DDAH1: variants seen among roughly 807,000 people sequenced by gnomAD.
DDAH1 encodes the protein dimethylarginine dimethylaminohydrolase 1, also known as N(G),N(G)-dimethylarginine dimethylaminohydrolase 1.
DDAH1 carries 19 observed loss-of-function variants against 28.8 expected under a neutral mutation model. That is an observed-to-expected ratio of 0.66 (90% CI 0.46 to 0.97). The LOEUF (loss-of-function observed/expected upper bound fraction) is 0.97, where lower values mean the gene tolerates loss of function less well. Among genes scored for constraint, DDAH1 ranks in the 50% least tolerant of loss-of-function variants. DDAH1 has a pLI of 0.00. For synonymous variants in DDAH1, 153 were observed against 154.4 expected (o/e 0.99, Z 0.07); for missense variants, 326 against 375.9 (o/e 0.87, Z 1.10).
chr1:85,322,400 TC>T (rs1661386018), intron 5 of DDAH1, among the ~76,000 whole-genome samples: 1 of 152,242 alleles, frequency 6.6e-6, no homozygotes, highest in South Asian at 2.1e-4. Context: ...TGTCAAAACT[TC>T]AATTAACAGT....
chr1:85,525,083 A>G (rs1657817372), intron 1 of DDAH1, among the ~76,000 whole-genome samples: 3 of 150,800 alleles, frequency 2.0e-5, no homozygotes. Flanking sequence ...TATAGTAGGT[A>G]TGAAAACAAA....
intron 1 of DDAH1, among the ~76,000 whole-genome samples, chr1:85,549,755 A>C (rs12073038): frequency 0.059 from 9,027 of 152,316 alleles, 869 homozygotes; most frequent in African/African-American, 0.21. Flanking sequence ...AATATTCAGC[A>C]TTAATTTATA....
chr1:85,519,187 G>A (rs536094695), intron 1 of DDAH1, among the ~76,000 whole-genome samples: 1 of 138,702 alleles, frequency 7.2e-6, no homozygotes, highest in African/African-American at 2.8e-5. Flanking sequence ...TCCACCTCCC[G>A]GGTTCATGCC....
intron 1 of DDAH1, among the ~76,000 whole-genome samples, chr1:85,438,438 T>G (rs1004295720): frequency 6.6e-6 from 1 of 152,214 alleles, no homozygotes; most frequent in African/African-American, 2.4e-5. Flanking sequence ...TGTAGAGGTT[T>G]AAAATCTATT....
In DDAH1 at chr1:85,436,343, T is replaced by A. The variant is rs370828050; in HGVS notation, c.303+28400A>T. Among the ~76,000 whole-genome samples, 14 of 152,266 alleles carry A rather than the reference T, an allele frequency of 9.2e-5. No homozygotes were observed. The East Asian group carries it at 2.1e-3, about 23-fold the overall frequency. Reference sequence around the variant, plus strand: ...TTTTGTATTGATCATTGATTAATATTTATCATATTTTAAAGCTACATGTGA... The same window carrying A: ...TTTTGTATTGATCATTGATTAATATATATCATATTTTAAAGCTACATGTGA... On this transcript the variant is annotated intron_variant, in intron 1 of 5. Transcript: ENST00000284031.
In DDAH1 at chr1:85,321,227, T is replaced by C; in HGVS notation, c.*225A>G. 8.0e-6 allele frequency: 4 copies of C among 502,722 alleles called. No homozygotes were observed. Among genetic ancestry groups the C allele is most frequent in the Non-Finnish European group, 1.1e-5 (3 of 278,726 alleles). 31.1% of individuals were successfully genotyped at this position (502,722 alleles called of 1,614,324 possible). On this transcript the variant is annotated 3_prime_UTR_variant, in exon 6 of 6. Transcript: ENST00000284031. ...TTGATAATTCATTAGCTCTGTATCT[T>C]CTAGGTTGCTTAATTCATTTAGCAA...
In DDAH1 at chr1:85,562,498, G is replaced by A. The variant is rs937419183; in HGVS notation, c.-123+15486C>T. On this transcript the variant is annotated intron_variant, in intron 1 of 6. Coordinates refer to the DDAH1 transcript ENST00000426972. ...AGAATGTGGCCTTGTTTGGAAATAGGCTGTTTACAGATGTAACAAAGTTAA... is the reference window on the plus strand; with the variant it reads ...AGAATGTGGCCTTGTTTGGAAATAGACTGTTTACAGATGTAACAAAGTTAA... 3.3e-5 allele frequency among the ~76,000 whole-genome samples: 5 copies of A among 152,300 alleles called. No individual in the cohort carries two copies. In the South Asian group the frequency reaches 8.3e-4, roughly 25 times the overall value.
At chr1:85,525,224 A>G (rs543544587) in intron 1 of DDAH1, among the ~76,000 whole-genome samples, 1 of 152,054 alleles carries the variant, frequency 6.6e-6, no homozygotes, top group Non-Finnish European at 1.5e-5. Context: ...CTTGGAGTAG[A>G]GTGTGGATGC....
At chr1:85,534,214 C>T (rs1475842239) in intron 1 of DDAH1, among the ~76,000 whole-genome samples, 1 of 152,194 alleles carries the variant, frequency 6.6e-6, no homozygotes, top group African/African-American at 2.4e-5. Flanking sequence ...CTTTCCATGT[C>T]TCATGTAGCA....
chr1:85,345,341 T>G (rs1353275691), intron 4 of DDAH1, among the ~76,000 whole-genome samples: 1 of 152,090 alleles, frequency 6.6e-6, no homozygotes, highest in African/African-American at 2.4e-5. Flanking sequence ...ATTATTTTTT[T>G]TTTTTTTTAC....
In DDAH1 at chr1:85,324,062, G is replaced by A. The variant is rs145056195; in HGVS notation, c.741+678C>T. Among the ~76,000 whole-genome samples, 850 of 150,676 alleles carry A rather than the reference G, an allele frequency of 5.6e-3. 3 individuals are homozygous for A. Among genetic ancestry groups the A allele is most frequent in the African/African-American group, 0.019 (785 of 41,000 alleles). On this transcript the variant is annotated intron_variant, in intron 5 of 5. Transcript: ENST00000284031. ...AGGCGGGCAGACTGCTTGAGCTCACGAATTTGATACCGGCCTGGGCAATAT... is the reference window on the plus strand; with the variant it reads ...AGGCGGGCAGACTGCTTGAGCTCACAAATTTGATACCGGCCTGGGCAATAT...
chr1:85,424,902 G>C (rs1653320045), intron 1 of DDAH1, among the ~76,000 whole-genome samples: 1 of 151,980 alleles, frequency 6.6e-6, no homozygotes, highest in Admixed American at 6.6e-5. Context: ...TAAACACATA[G>C]GAAGAGATAA....
chr1:85,340,540 TTC>T (rs1314085490), intron 4 of DDAH1, among the ~76,000 whole-genome samples: 3 of 152,220 alleles, frequency 2.0e-5, no homozygotes, highest in Non-Finnish European at 4.4e-5. Flanking sequence ...AGTCACGATG[TTC>T]TGTTACTTCT....
At chr1:85,572,525 G>A (rs1027830399) in intron 1 of DDAH1, among the ~76,000 whole-genome samples, 6 of 152,140 alleles carry the variant, frequency 3.9e-5, no homozygotes, top group Non-Finnish European at 8.8e-5. Flanking sequence ...TCTTTTTAAT[G>A]GAAATAAAAT....
intron 4 of DDAH1, among the ~76,000 whole-genome samples, chr1:85,334,403 A>C (rs1647981144): frequency 6.6e-6 from 1 of 152,152 alleles, no homozygotes; most frequent in African/African-American, 2.4e-5. Context: ...AATTCTAAAA[A>C]CAGCAAGAGA....
chr1:85,536,655 A>G (rs1287923780), intron 1 of DDAH1, among the ~76,000 whole-genome samples: 13 of 152,182 alleles, frequency 8.5e-5, no homozygotes, highest in Admixed American at 8.5e-4. Context: ...CAGAAAGACA[A>G]AAGAAAACAG....
intron 1 of DDAH1, among the ~76,000 whole-genome samples, chr1:85,553,184 G>T (rs1323120444): frequency 6.6e-6 from 1 of 152,134 alleles, no homozygotes; most frequent in Non-Finnish European, 1.5e-5. Flanking sequence ...GAACCGCTCA[G>T]CCAGCCAAGC....
chr1:85,460,843 G>A (rs1655094151), intron 1 of DDAH1, among the ~76,000 whole-genome samples: 1 of 152,184 alleles, frequency 6.6e-6, no homozygotes, highest in South Asian at 2.1e-4. Context: ...TTTTGGCACT[G>A]TAGGCATTAA....
intron 1 of DDAH1, among the ~76,000 whole-genome samples, chr1:85,427,986 T>C (rs1033563143): frequency 2.0e-5 from 3 of 152,162 alleles, no homozygotes; most frequent in Non-Finnish European, 4.4e-5. Flanking sequence ...CTTACATTCA[T>C]GGCACCCACA....
Sources: allele counts gnomAD v4.1 joint callset (sites outside exome capture counted in the v4.1 genomes callset), GRCh38; gene constraint gnomAD v4.1.1; transcripts MANE v1.5; gene names NCBI Gene and HGNC (gene_info 2026-07-23, HGNC 2026-07-21).